The following HELZ variants were observed in gnomAD, a reference collection of about 807,000 sequenced individuals.
HELZ encodes ATP-dependent RNA helicase with zinc finger domain.
A neutral mutation model predicts 218.2 loss-of-function variants in HELZ; 23 were observed. The ratio of observed to expected loss-of-function variants is 0.11; its 90% CI spans 0.08 to 0.15. The LOEUF (loss-of-function observed/expected upper bound fraction) is 0.15, where lower values mean the gene tolerates loss of function less well. Ranked by LOEUF, HELZ falls within the 10% of genes least tolerant of loss-of-function variation. The probability of loss-of-function intolerance (pLI) is 1.00; values close to 1 mark genes in which losing one functional copy is unlikely to be tolerated. For missense variants in HELZ, 1,813 were observed against 2,353.7 expected, an observed-to-expected ratio of 0.77 and a Z score of 4.75; for synonymous variants, 814 against 829.4, an observed-to-expected ratio of 0.98 and a Z score of 0.32.
intron 28 of HELZ, among the ~76,000 whole-genome samples, chr17:67,113,325 T>C (rs1279202655): frequency 1.3e-5 from 2 of 152,026 alleles, no homozygotes; most frequent in Non-Finnish European, 2.9e-5. Context: ...AGTGGCGTGA[T>C]CTTGGCTCAC....
chr17:67,135,037 A>T (rs563275057), intron 23 of HELZ, among the ~76,000 whole-genome samples: 1 of 151,776 alleles, frequency 6.6e-6, no homozygotes, highest in Admixed American at 6.6e-5. Context: ...ATCTTCTATT[A>T]CTGGCTTTGT....
chr17:67,105,616 A>T (rs2037077420), intron 31 of HELZ, among the ~76,000 whole-genome samples: 1 of 152,214 alleles, frequency 6.6e-6, no homozygotes, highest in African/African-American at 2.4e-5. Flanking sequence ...CTTTTATGTG[A>T]ATTTTATTAT....
At chr17:67,161,887 A>G (rs139476615) in intron 15 of HELZ, among the ~76,000 whole-genome samples, 1 of 152,228 alleles carries the variant, frequency 6.6e-6, no homozygotes, top group Non-Finnish European at 1.5e-5. Context: ...CTTTCTCACA[A>G]CTACCGTTAA....
chr17:67,210,831 A>AG (rs2040430940), intron 5 of HELZ, among the ~76,000 whole-genome samples: 1 of 152,150 alleles, frequency 6.6e-6, no homozygotes, highest in Admixed American at 6.5e-5. Context: ...CTGAGGCAGG[A>AG]GAATCGCTTG....
At chr17:67,139,325 C>T (rs2038250259) in intron 21 of HELZ, among the ~76,000 whole-genome samples, 1 of 152,106 alleles carries the variant, frequency 6.6e-6, no homozygotes, top group Non-Finnish European at 1.5e-5. Flanking sequence ...ATGGCATTCT[C>T]ACTATCAGGA....
At chr17:67,117,055 A>C (rs565132759) in intron 27 of HELZ, among the ~76,000 whole-genome samples, 1 of 152,054 alleles carries the variant, frequency 6.6e-6, no homozygotes, top group South Asian at 2.1e-4. Context: ...AGGTTTCACC[A>C]TGTTAGCCAG....
intron 9 of HELZ, among the ~76,000 whole-genome samples, chr17:67,190,960 G>A (rs751279454): frequency 1.3e-5 from 2 of 150,928 alleles, no homozygotes; most frequent in Non-Finnish European, 2.9e-5. Context: ...CACCCGCCTC[G>A]GCCTCCCAAA....
intron 31 of HELZ, among the ~76,000 whole-genome samples, chr17:67,092,572 G>A (rs888636967): frequency 6.6e-6 from 1 of 152,162 alleles, no homozygotes; most frequent in African/African-American, 2.4e-5. Flanking sequence ...AAAACGAAGG[G>A]CTCCACATGG....
chr17:67,238,366 A>G (rs2041240194), intron 3 of HELZ, among the ~76,000 whole-genome samples: 1 of 151,406 alleles, frequency 6.6e-6, no homozygotes, highest in Non-Finnish European at 1.5e-5. Context: ...AAAAAAAAAA[A>G]AAAAGGAAGA....
intron 31 of HELZ, among the ~76,000 whole-genome samples, chr17:67,098,672 AG>A (rs1598211308): frequency 6.6e-6 from 1 of 152,108 alleles, no homozygotes; most frequent in African/African-American, 2.4e-5. Flanking sequence ...TGAACCTGGC[AG>A]GCGGAGGTTG....
intron 15 of HELZ, among the ~76,000 whole-genome samples, chr17:67,163,606 G>A (rs1333125044): frequency 6.6e-6 from 1 of 151,984 alleles, no homozygotes; most frequent in Admixed American, 6.6e-5. Context: ...GCTTCACCAT[G>A]TTAGCCAGGA....
intron 13 of HELZ, among the ~76,000 whole-genome samples, chr17:67,176,170 C>CA (rs1440809914): frequency 5.9e-5 from 9 of 152,208 alleles, no homozygotes; most frequent in Admixed American, 4.6e-4. Context: ...GTTAGTCTAC[C>CA]AACCAGAACA....
chr17:67,170,448 A>G (rs909340753), intron 13 of HELZ, among the ~76,000 whole-genome samples: 1 of 152,104 alleles, frequency 6.6e-6, no homozygotes, highest in East Asian at 1.9e-4. Context: ...CAGGAGGCGG[A>G]GGTTGCAGTG....
At chr17:67,186,365 A>G (rs1386931966) in intron 12 of HELZ, among the ~76,000 whole-genome samples, 1 of 152,132 alleles carries the variant, frequency 6.6e-6, no homozygotes, top group African/African-American at 2.4e-5. Context: ...TTTCCCCGTG[A>G]AGCCCAGAGA....
In HELZ at chr17:67,186,134, T is replaced by A. The variant is rs557464805; in HGVS notation, c.1162+2185A>T. Among the ~76,000 whole-genome samples the A allele has an allele frequency of 7.5e-4, 112 of 150,310 alleles. 1 individual carries two copies. Among genetic ancestry groups the A allele is most frequent in the African/African-American group, 2.7e-3 (110 of 40,694 alleles). On this transcript the variant is annotated intron_variant, in intron 12 of 32. Transcript: ENST00000358691. ...TGCACCCTAGTCCGAGTCCTCATTT[T>A]AAAAAACAAAAACAAAATAAAGAAA...
intron 24 of HELZ, among the ~76,000 whole-genome samples, chr17:67,124,265 C>CT (rs1451091216): frequency 6.6e-6 from 1 of 151,960 alleles, no homozygotes; most frequent in African/African-American, 2.4e-5. Flanking sequence ...TCTAAAATTC[C>CT]TTTTTTATGA....
intron 23 of HELZ, among the ~76,000 whole-genome samples, chr17:67,129,695 T>A (rs2037916983): frequency 6.6e-6 from 1 of 152,164 alleles, no homozygotes; most frequent in Non-Finnish European, 1.5e-5. Context: ...CATTTCTTAA[T>A]CAAATTCATA....
intron 12 of HELZ, among the ~76,000 whole-genome samples, chr17:67,183,857 GA>G (rs566901114): frequency 4.1e-5 from 6 of 144,926 alleles, no homozygotes; most frequent in Admixed American, 2.1e-4. Context: ...CCCAACAAGG[GA>G]AAAAAAAAAC....
chr17:67,166,293 T>C (rs2039141609), intron 15 of HELZ, among the ~76,000 whole-genome samples, 185 bp downstream of exon 15: 1 of 152,236 alleles, frequency 6.6e-6, no homozygotes, highest in African/African-American at 2.4e-5. Flanking sequence ...ATTTAGACTC[T>C]GAGAAAAAGT....
Sources: gnomAD v4.1 joint callset for allele counts (sites outside exome capture counted in the v4.1 genomes callset) on GRCh38, gnomAD v4.1.1 for gene constraint, MANE v1.5 for transcripts, NCBI Gene and HGNC (gene_info 2026-07-23, HGNC 2026-07-21) for gene names.